KLF14: variants seen among roughly 807,000 people sequenced by gnomAD.
KLF14 encodes KLF transcription factor 14.
A neutral mutation model predicts 16.2 loss-of-function variants in KLF14; 13 were observed. The observed-to-expected ratio is 0.80, with a 90% CI of 0.52 to 1.28. The LOEUF (loss-of-function observed/expected upper bound fraction) is 1.28, where lower values mean the gene tolerates loss of function less well. KLF14 is among the 50% of genes most tolerant of loss of function. KLF14 has a pLI of 0.00. For synonymous variants in KLF14, 276 were observed against 233.7 expected, an observed-to-expected ratio of 1.18 and a Z score of -1.65; for missense variants, 571 against 493.4, an observed-to-expected ratio of 1.16 and a Z score of -1.49.
In KLF14 at chr7:130,731,639, T is replaced by C. The variant is rs1797189098; in HGVS notation, c.*1423A>G. Reference sequence around the variant, plus strand: ...TCCCCAAGTGTCAGTGATGGACTATTGCAAAATATTCAGGAGGGGGCCAGA... The same window carrying C: ...TCCCCAAGTGTCAGTGATGGACTATCGCAAAATATTCAGGAGGGGGCCAGA... On this transcript the variant is annotated 3_prime_UTR_variant, in exon 1 of 1. Transcript: ENST00000583337. 1 of 152,308 alleles carries C rather than the reference T, an allele frequency of 6.6e-6. No homozygotes were observed. The highest frequency in any genetic ancestry group is 2.4e-5 in the African/African-American group (1 of 41,418). 9.4% of individuals were successfully genotyped at this position (152,308 alleles called of 1,614,324 possible).
At position 130,733,527 on chromosome 7, in the gene KLF14, C is replaced by T. The variant is rs919088975; in HGVS notation, c.507G>A (p.Gly169=). 1.3e-5 allele frequency: 21 copies of T among 1,574,704 alleles called. No homozygotes were observed. In the African/African-American group the frequency reaches 1.8e-4, roughly 13 times the overall value. ...CGGGGGCGGGGCCTGCCCCTAGGGCCCCTCCAGAGAACCCACCAGAGGCTG... is the reference window on the plus strand; with the variant it reads ...CGGGGGCGGGGCCTGCCCCTAGGGCTCCTCCAGAGAACCCACCAGAGGCTG... The part of the protein sequence containing the change: ...APAASGGFSG[G]ALGAGPAPAA... Residue 169 remains glycine, a synonymous_variant, in exon 1 of 1, where the codon GGG becomes GGA. Coordinates refer to ENST00000583337, the MANE Select transcript of KLF14 (RefSeq NM_138693.4). This position sits in a 1 kb window ranked among gnomAD's most constrained non-coding sequence, Gnocchi z 5.2.
rs1554471186 is a variant in KLF14, at chr7:130,733,913, A to G, written c.121T>C (p.Ser41Pro). 7 of 1,356,228 alleles carry G rather than the reference A, an allele frequency of 5.2e-6. No individual in the cohort carries two copies. Among genetic ancestry groups the G allele is most frequent in the Non-Finnish European group, 6.6e-6 (7 of 1,054,654 alleles). The allele number at this position is 1,356,228 out of a possible 1,614,324, so 84.0% of individuals were successfully genotyped here. A position where few individuals can be genotyped will look rare whatever the true frequency, so the allele number is the denominator to read the frequency against. The part of the protein sequence containing the change: ...DPEGAGGAAG[S>P]EVGAAPPESA... ...TCCGGCGGCGCCGCACCCACCTCCGAGCCAGCGGCTCCACCCGCGCCCTCG... is the reference window on the plus strand; with the variant it reads ...TCCGGCGGCGCCGCACCCACCTCCGGGCCAGCGGCTCCACCCGCGCCCTCG... Residue 41 changes from serine (S) to proline (P), a missense_variant, in exon 1 of 1, where the codon TCG (serine) becomes CCG (proline). Ser to Pro is a moderately conservative substitution (Grantham distance 74). Transcript: ENST00000583337. This position sits in a 1 kb window ranked among gnomAD's most constrained non-coding sequence, Gnocchi z 5.2.
At position 130,733,749 on chromosome 7, in the gene KLF14, G is replaced by A. The variant is rs1554471060; in HGVS notation, c.285C>T (p.Ser95=). The change falls in exon 1 of 1, where the codon AGC becomes AGT. Residue 95 remains serine, a synonymous_variant. Coordinates refer to ENST00000583337, the MANE Select transcript of KLF14 (RefSeq NM_138693.4). The surrounding 1 kb of genome is among the most constrained non-coding windows in gnomAD (Gnocchi z 5.2). ...AASVWADLRG[S]SGEGSWENSG... is the part of the protein sequence containing the mutation. The stretch of plus-strand genomic sequence containing the variant: ...AGTTCTCCCAGGAGCCCTCGCCAGA[G>A]CTGCCGCGCAAGTCCGCCCAGACGC... 1 of 1,536,638 alleles carries A rather than the reference G, an allele frequency of 6.5e-7. No homozygotes were observed. Among genetic ancestry groups the A allele is most frequent in the Admixed American group, 1.9e-5 (1 of 51,618 alleles).
rs1181822357 is a variant in KLF14 at position 130,731,253 on chromosome 7, A to G, written c.*1809T>C. 1.3e-5 allele frequency: 2 copies of G among 152,234 alleles called. No individual in the cohort carries two copies. Among genetic ancestry groups the G allele is most frequent in the Non-Finnish European group, 2.9e-5 (2 of 68,044 alleles). The allele number at this position is 152,234 out of a possible 1,614,324, so 9.4% of individuals were successfully genotyped here. On this transcript the variant is annotated 3_prime_UTR_variant, in exon 1 of 1. Coordinates refer to ENST00000583337, the MANE Select transcript of KLF14 (RefSeq NM_138693.4). The stretch of plus-strand genomic sequence containing the variant: ...GTCTCTCCTAGGATGCCAAAAAGTC[A>G]TTCTCACTTTATGTCCACATGGTGT...
chr7:130,733,604 AGCTCTCGGGAGCGCAGACC>A lies in KLF14; in HGVS notation c.411_429del (p.Val138ProfsTer28). The A allele has an allele frequency of 6.5e-7, 1 of 1,539,994 alleles. No individual in the cohort carries two copies. Among genetic ancestry groups the A allele is most frequent in the Non-Finnish European group, 8.7e-7 (1 of 1,144,796 alleles). On this transcript the variant is annotated frameshift_variant, in exon 1 of 1. Transcript: ENST00000583337. LOFTEE classifies it high-confidence loss of function. The surrounding 1 kb of genome is among the most constrained non-coding windows in gnomAD (Gnocchi z 5.2). Reference sequence around the variant, plus strand: ...CTTGGGACGGCGGGCGCATCGGAGGAGCTCTCGGGAGCGCAGACCGCCGCGGCGCCGGAGGCGGGAGCCA... The same window carrying A: ...CTTGGGACGGCGGGCGCATCGGAGGAGCCGCGGCGCCGGAGGCGGGAGCCA...
In KLF14 at chr7:130,733,754, C is replaced by G; in HGVS notation, c.280G>C (p.Gly94Arg). Residue 94 changes from glycine (G) to arginine (R), a missense_variant, in exon 1 of 1, where the codon GGC (glycine) becomes CGC (arginine). Gly to Arg is a moderately radical substitution (Grantham distance 125, BLOSUM62 -2). Transcript: ENST00000583337. This position sits in a 1 kb window ranked among gnomAD's most constrained non-coding sequence, Gnocchi z 5.2. ...LAASVWADLR[G>R]SSGEGSWENS... ...TCCCAGGAGCCCTCGCCAGAGCTGCCGCGCAAGTCCGCCCAGACGCTTGCA... is the reference window on the plus strand; with the variant it reads ...TCCCAGGAGCCCTCGCCAGAGCTGCGGCGCAAGTCCGCCCAGACGCTTGCA... 1 of 1,531,388 alleles carries G rather than the reference C, an allele frequency of 6.5e-7. No homozygotes were observed. The highest frequency in any genetic ancestry group is 8.7e-7 in the Non-Finnish European group (1 of 1,146,662). 94.9% of individuals were successfully genotyped at this position (1,531,388 alleles called of 1,614,324 possible).
In KLF14 at chr7:130,732,387, C is replaced by G. The variant is rs1050287945; in HGVS notation, c.*675G>C. The G allele has an allele frequency of 1.3e-5, 2 of 152,284 alleles. No individual in the cohort carries two copies. The highest frequency in any genetic ancestry group is 2.9e-5 in the Non-Finnish European group (2 of 68,140). The allele number at this position is 152,284 out of a possible 1,614,324, so 9.4% of individuals were successfully genotyped here. On this transcript the variant is annotated 3_prime_UTR_variant, in exon 1 of 1. Transcript: ENST00000583337. ...AGGGTTCCAAATCATGCAACAGGAC[C>G]TGCAAACAGACTCACACCCCAGACA...
chr7:130,733,861 G>C lies in KLF14; in HGVS notation c.173C>G (p.Pro58Arg). 1 of 1,342,546 alleles carries C rather than the reference G, an allele frequency of 7.4e-7. No homozygotes were observed. The highest frequency in any genetic ancestry group is 9.5e-7 in the Non-Finnish European group (1 of 1,057,068). 83.2% of individuals were successfully genotyped at this position (1,342,546 alleles called of 1,614,324 possible). A position where few individuals can be genotyped will look rare whatever the true frequency, so the allele number is the denominator to read the frequency against. The change falls in exon 1 of 1, where the codon CCG becomes CGG. Residue 58 changes from proline (P) to arginine (R), a missense_variant. Transcript: ENST00000583337. This position sits in a 1 kb window ranked among gnomAD's most constrained non-coding sequence, Gnocchi z 5.2. ...GAGCTGGGGGACCGACGCGGGCCCC[G>C]GTGGCCCCGGACCCGGCAGAGCGGA... ...PESALPGPGP[P>R]GPASVPQLPQ... is the part of the protein sequence containing the mutation.
chr7:130,732,282 A>G lies in KLF14; in HGVS notation c.*780T>C, dbSNP rs1260158418. On this transcript the variant is annotated 3_prime_UTR_variant, in exon 1 of 1. Coordinates refer to ENST00000583337, the MANE Select transcript of KLF14 (RefSeq NM_138693.4). The stretch of plus-strand genomic sequence containing the variant: ...CGGTAGTTTTCAAATTGTTTAACCA[A>G]TCTCAGCGTGAGAGTGAGCCAGGAA... 3.3e-5 allele frequency: 5 copies of G among 152,180 alleles called. No homozygotes were observed. Among genetic ancestry groups the G allele is most frequent in the African/African-American group, 1.2e-4 (5 of 41,424 alleles). 9.4% of individuals were successfully genotyped at this position (152,180 alleles called of 1,614,324 possible).
rs1797235062 is a variant in KLF14 at position 130,733,535 on chromosome 7, A to G, written c.499T>C (p.Ser167Pro). ...PGAPAASGGF[S>P]GGALGAGPAP... ...GGGCCTGCCCCTAGGGCCCCTCCAG[A>G]GAACCCACCAGAGGCTGCTGGTGCG... The change falls in exon 1 of 1, where the codon TCT becomes CCT. Residue 167 changes from serine (S) to proline (P), a missense_variant. By Grantham distance (74) the Ser-to-Pro change is moderately conservative. Coordinates refer to ENST00000583337, the MANE Select transcript of KLF14 (RefSeq NM_138693.4). The surrounding 1 kb of genome is among the most constrained non-coding windows in gnomAD (Gnocchi z 5.2). The G allele has an allele frequency of 6.4e-7, 1 of 1,567,912 alleles. No homozygotes were observed. The highest frequency in any genetic ancestry group is 1.7e-4 in the Middle Eastern group (1 of 5,856).
chr7:130,732,628 CAT>C lies in KLF14; in HGVS notation c.*432_*433del, dbSNP rs1797209200. ...GGCCTCTCACCATCCCAGTCCTGGA[CAT>C]TTCCAAGACTGCCACCCCTGACACC... On this transcript the variant is annotated 3_prime_UTR_variant, in exon 1 of 1. Coordinates refer to ENST00000583337, the MANE Select transcript of KLF14 (RefSeq NM_138693.4). 6.0e-6 allele frequency: 1 copy of C among 167,302 alleles called. No homozygotes were observed. The highest frequency in any genetic ancestry group is 1.3e-5 in the Non-Finnish European group (1 of 78,212). 10.4% of individuals were successfully genotyped at this position (167,302 alleles called of 1,614,324 possible).
Position 130,734,151 on chromosome 7 carries a change from G to T in KLF14, c.-118C>A. 2.2e-6 allele frequency: 1 copy of T among 460,706 alleles called. No homozygotes were observed. The highest frequency in any genetic ancestry group is 3.0e-6 in the Non-Finnish European group (1 of 338,266). The allele number at this position is 460,706 out of a possible 1,614,324, so 28.5% of individuals were successfully genotyped here. A position where few individuals can be genotyped will look rare whatever the true frequency, so the allele number is the denominator to read the frequency against. On this transcript the variant is annotated 5_prime_UTR_variant, in exon 1 of 1. Coordinates refer to ENST00000583337, the MANE Select transcript of KLF14 (RefSeq NM_138693.4). This position sits in a 1 kb window ranked among gnomAD's most constrained non-coding sequence, Gnocchi z 4.4. ...GCGAGAAGCAGGAGGCCGGGTGCTCGCCGCCTGCCGCCTGCTGCCGCCGCC... is the reference window on the plus strand; with the variant it reads ...GCGAGAAGCAGGAGGCCGGGTGCTCTCCGCCTGCCGCCTGCTGCCGCCGCC...
rs782042537 is a variant in KLF14 at position 130,733,927 on chromosome 7, C to T, written c.107G>A (p.Gly36Asp). 1 of 1,362,152 alleles carries T rather than the reference C, an allele frequency of 7.3e-7. No individual in the cohort carries two copies. 84.4% of individuals were successfully genotyped at this position (1,362,152 alleles called of 1,614,324 possible). A position where few individuals can be genotyped will look rare whatever the true frequency, so the allele number is the denominator to read the frequency against. The stretch of plus-strand genomic sequence containing the variant: ...ACCCACCTCCGAGCCAGCGGCTCCA[C>T]CCGCGCCCTCGGGGTCCGGCGGGCG... The part of the protein sequence containing the change: ...HRRPPDPEGA[G>D]GAAGSEVGAA... The change falls in exon 1 of 1, where the codon GGT (glycine) becomes GAT (aspartate). Residue 36 changes from glycine (G) to aspartate (D), a missense_variant. By Grantham distance (94) the Gly-to-Asp change is moderately conservative. Coordinates refer to ENST00000583337, the MANE Select transcript of KLF14 (RefSeq NM_138693.4). This position sits in a 1 kb window ranked among gnomAD's most constrained non-coding sequence, Gnocchi z 5.2.
In KLF14 at chr7:130,733,605, G is replaced by A; in HGVS notation, c.429C>T (p.Ser143=). 1 of 1,543,646 alleles carries A rather than the reference G, an allele frequency of 6.5e-7. No homozygotes were observed. Among genetic ancestry groups the A allele is most frequent in the South Asian group, 1.2e-5 (1 of 83,526 alleles). Residue 143 remains serine (S), a synonymous_variant, in exon 1 of 1, where the codon AGC becomes AGT. Coordinates refer to ENST00000583337, the MANE Select transcript of KLF14 (RefSeq NM_138693.4). The surrounding 1 kb of genome is among the most constrained non-coding windows in gnomAD (Gnocchi z 5.2). ...SGAAAVCAPE[S]SSDAPAVPSA... is the part of the protein sequence containing the mutation. ...TTGGGACGGCGGGCGCATCGGAGGA[G>A]CTCTCGGGAGCGCAGACCGCCGCGG...
In KLF14 at chr7:130,733,515, T is replaced by TGCCCCTAGGGCCC; in HGVS notation, c.506_518dup (p.Ala176ArgfsTer51). 1 of 1,586,114 alleles carries TGCCCCTAGGGCCC rather than the reference T, an allele frequency of 6.3e-7. No homozygotes were observed. Among genetic ancestry groups the TGCCCCTAGGGCCC allele is most frequent in the Non-Finnish European group, 8.6e-7 (1 of 1,167,172 alleles). ...CCTGATCCGCGGCGGGGGCGGGGCC[T>TGCCCCTAGGGCCC]GCCCCTAGGGCCCCTCCAGAGAACC... On this transcript the variant is annotated frameshift_variant, in exon 1 of 1. Transcript: ENST00000583337. LOFTEE classifies it high-confidence loss of function. This position sits in a 1 kb window ranked among gnomAD's most constrained non-coding sequence, Gnocchi z 5.2.
At position 130,733,987 on chromosome 7, in the gene KLF14, A is replaced by G; in HGVS notation, c.47T>C (p.Leu16Pro). Reference protein sequence around the residue: ...ACLDYFAAECLVSMSAGAVVH... With the variant: ...ACLDYFAAECPVSMSAGAVVH... ...CACGGCGCCCGCGGACATGGACACC[A>G]GGCACTCGGCGGCGAAGTAGTCCAG... is the stretch of plus-strand genomic sequence containing the variant. Residue 16 changes from leucine to proline, a missense_variant, in exon 1 of 1, where the codon CTG (leucine) becomes CCG (proline). Leu to Pro is a moderately conservative substitution (Grantham distance 98). Transcript: ENST00000583337. The surrounding 1 kb of genome is among the most constrained non-coding windows in gnomAD (Gnocchi z 5.2). 1.5e-6 allele frequency: 2 copies of G among 1,376,716 alleles called. No individual in the cohort carries two copies. The highest frequency in any genetic ancestry group is 1.5e-5 in the African/African-American group (1 of 65,198). The allele number at this position is 1,376,716 out of a possible 1,614,324, so 85.3% of individuals were successfully genotyped here.
Position 130,733,611 on chromosome 7 carries a change from G to A in KLF14, c.423C>T (p.Pro141=). 6.5e-7 allele frequency: 1 copy of A among 1,543,172 alleles called. No individual in the cohort carries two copies. Among genetic ancestry groups the A allele is most frequent in the Non-Finnish European group, 8.7e-7 (1 of 1,146,146 alleles). The change falls in exon 1 of 1, where the codon CCC becomes CCT. Residue 141 remains proline (P), a synonymous_variant. Transcript: ENST00000583337. The surrounding 1 kb of genome is among the most constrained non-coding windows in gnomAD (Gnocchi z 5.2). ...PASGAAAVCA[P]ESSSDAPAVP... is the part of the protein sequence containing the mutation. ...CGGCGGGCGCATCGGAGGAGCTCTCGGGAGCGCAGACCGCCGCGGCGCCGG... is the reference window on the plus strand; with the variant it reads ...CGGCGGGCGCATCGGAGGAGCTCTCAGGAGCGCAGACCGCCGCGGCGCCGG...
At position 130,732,150 on chromosome 7, in the gene KLF14, A is replaced by C. The variant is rs1356636129; in HGVS notation, c.*912T>G. 6.6e-6 allele frequency: 1 copy of C among 152,296 alleles called. No homozygotes were observed. The highest frequency in any genetic ancestry group is 1.5e-5 in the Non-Finnish European group (1 of 68,096). 9.4% of individuals were successfully genotyped at this position (152,296 alleles called of 1,614,324 possible). A position where few individuals can be genotyped will look rare whatever the true frequency, so the allele number is the denominator to read the frequency against. ...ATTTCCCTGAAAGTTATCAATGGTT[A>C]TGAGCGGTCTTGTTTCGGGCCCCGC... On this transcript the variant is annotated 3_prime_UTR_variant, in exon 1 of 1. Coordinates refer to ENST00000583337, the MANE Select transcript of KLF14 (RefSeq NM_138693.4).
chr7:130,733,757 G>GC lies in KLF14; in HGVS notation c.276dup (p.Arg93AlafsTer130). On this transcript the variant is annotated frameshift_variant, in exon 1 of 1. Transcript: ENST00000583337. LOFTEE classifies it high-confidence loss of function. The surrounding 1 kb of genome is among the most constrained non-coding windows in gnomAD (Gnocchi z 5.2). ...CAGGAGCCCTCGCCAGAGCTGCCGC[G>GC]CAAGTCCGCCCAGACGCTTGCAGCC... The GC allele has an allele frequency of 6.5e-7, 1 of 1,531,410 alleles. No individual in the cohort carries two copies. Among genetic ancestry groups the GC allele is most frequent in the Non-Finnish European group, 8.7e-7 (1 of 1,146,670 alleles). 94.9% of individuals were successfully genotyped at this position (1,531,410 alleles called of 1,614,324 possible).
Sources: gnomAD v4.1 joint callset for allele counts on GRCh38, gnomAD v4.1.1 for gene constraint, Gnocchi (gnomAD v3.1) non-coding constraint, MANE v1.5 for transcripts, NCBI Gene and HGNC (gene_info 2026-07-23, HGNC 2026-07-21) for gene names.